The following GLB1L3 variants were observed in gnomAD, a reference collection of about 807,000 sequenced individuals.
GLB1L3 encodes beta-galactosidase-1-like protein 3.
Under a neutral mutation model 89.5 loss-of-function variants are expected in GLB1L3, and 89 were observed. The observed-to-expected ratio is 0.99, with a 90% CI of 0.84 to 1.19. GLB1L3 has a LOEUF of 1.19. Among genes scored for constraint, GLB1L3 ranks in the 50% most tolerant of loss-of-function variants. GLB1L3 has a pLI of 0.00. For missense variants in GLB1L3, 812 were observed against 813.3 expected (o/e 1.00, Z 0.02); for synonymous variants, 314 against 312.3 (o/e 1.01, Z -0.06).
intron 17 of GLB1L3, 146 bp from the exon 18 acceptor site, chr11:134,314,184 T>A (rs952290881): frequency 1.4e-6 from 1 of 733,648 alleles, no homozygotes; most frequent in African/African-American, 1.8e-5. Flanking sequence ...CTGGAACAAG[T>A]GTCCTGATTC....
chr11:134,276,575 G>GGCGCCC lies in GLB1L3; in HGVS notation c.-160_-155dup. ...ACGCGCATCCTTGGGACCCGGACCC[G>GGCGCCC]GCGCCCGCGCCTCGGGACGGATTTC... On this transcript the variant is annotated 5_prime_UTR_variant, in exon 1 of 20. Coordinates refer to ENST00000431683, the MANE Select transcript of GLB1L3 (RefSeq NM_001080407.3). The GGCGCCC allele has an allele frequency of 1.8e-6, 1 of 564,492 alleles. No individual in the cohort carries two copies. Among genetic ancestry groups the GGCGCCC allele is most frequent in the Non-Finnish European group, 2.6e-6 (1 of 380,560 alleles). 35.0% of individuals were successfully genotyped at this position (564,492 alleles called of 1,614,324 possible).
intron 1 of GLB1L3, chr11:134,277,024 T>A (rs994721045): frequency 2.9e-4 from 164 of 570,380 alleles, no homozygotes; most frequent in Non-Finnish European, 4.4e-4. Context: ...ACCGTGTCCT[T>A]CCCGAACCTG....
chr11:134,277,872 C>T lies in GLB1L3; in HGVS notation c.322C>T (p.Leu108=), dbSNP rs1565385844. The change falls in exon 3 of 20, where the codon CTG becomes TTG. Residue 108 remains leucine (L), a synonymous_variant. Transcript: ENST00000431683. ...GCCCAGGGAGTACTGGAGGGACCGC[C>T]TGCTGAAGCTGAAGGCCTGTGGCTT... ...RVPREYWRDR[L]LKLKACGFNT... The T allele has an allele frequency of 6.2e-7, 1 of 1,614,032 alleles. No homozygotes were observed. Among genetic ancestry groups the T allele is most frequent in the South Asian group, 1.1e-5 (1 of 91,064 alleles).
At chr11:134,278,001 C>T (rs1268716641) in intron 3 of GLB1L3, 89 bp downstream of exon 3, 3 of 1,263,226 alleles carry the variant, frequency 2.4e-6, no homozygotes, top group Non-Finnish European at 3.4e-6. Context: ...GGGGGCCCAG[C>T]GTGAGGACTT....
chr11:134,307,274 A>G lies in GLB1L3; in HGVS notation c.961+66A>G, dbSNP rs994471213. On this transcript the variant is annotated intron_variant, in intron 10 of 19. Coordinates refer to ENST00000431683, the MANE Select transcript of GLB1L3 (RefSeq NM_001080407.3). ...CCAGGTCCCATGAGAACTCATTCAT[A>G]CAGTTCTCTGCTAATTGATTCACTT... 37 of 1,127,134 alleles carry G rather than the reference A, an allele frequency of 3.3e-5. 1 individual carries two copies. The South Asian group carries it at 4.0e-4, about 12-fold the overall frequency. 69.8% of individuals were successfully genotyped at this position (1,127,134 alleles called of 1,614,324 possible).
intron 7 of GLB1L3, among the ~76,000 whole-genome samples, chr11:134,290,683 C>A (rs2136141234): frequency 6.6e-6 from 1 of 152,104 alleles, no homozygotes; most frequent in East Asian, 1.9e-4. Context: ...ACAGCCAGGC[C>A]CTGGCTATCT....
At chr11:134,279,368 T>C (rs1213700078) in intron 3 of GLB1L3, among the ~76,000 whole-genome samples, 24 of 135,928 alleles carry the variant, frequency 1.8e-4, no homozygotes, top group East Asian at 6.0e-4. Context: ...CTTTTTCTTT[T>C]TTTTTTTTTT....
At chr11:134,289,483 A>G (rs1941218429) in intron 7 of GLB1L3, among the ~76,000 whole-genome samples, 1 of 152,168 alleles carries the variant, frequency 6.6e-6, no homozygotes, top group Non-Finnish European at 1.5e-5. Flanking sequence ...TCAAGGTTCA[A>G]CTGTAGATCA....
At chr11:134,304,134 C>G (rs987939370) in intron 9 of GLB1L3, among the ~76,000 whole-genome samples, 5 of 152,252 alleles carry the variant, frequency 3.3e-5, no homozygotes, top group African/African-American at 1.2e-4. Context: ...TGTGTTGTCT[C>G]ACTCCTCTCA....
chr11:134,295,991 G>C (rs986892178), intron 9 of GLB1L3, among the ~76,000 whole-genome samples: 1 of 151,980 alleles, frequency 6.6e-6, no homozygotes, highest in African/African-American at 2.4e-5. Context: ...TATAATTTCT[G>C]TTCTTTTACA....
chr11:134,283,279 G>A (rs373043868), intron 5 of GLB1L3, among the ~76,000 whole-genome samples: 2 of 152,124 alleles, frequency 1.3e-5, no homozygotes, highest in African/African-American at 4.8e-5. Flanking sequence ...GGCCAGGCTG[G>A]TCTCGAACTC....
At chr11:134,300,658 G>T (rs529461541) in intron 9 of GLB1L3, among the ~76,000 whole-genome samples, 16 of 152,106 alleles carry the variant, frequency 1.1e-4, no homozygotes, top group Middle Eastern at 3.4e-3. Context: ...TTTAATCAAG[G>T]CGCCTACAGG....
rs371941998 is a variant in GLB1L3 at position 134,296,836 on chromosome 11, T to TATA, written c.876+3653_876+3655dup. ...TGCACATGTACCCTAAAACTTAAAG[T>TATA]ATAATAATAATAATAATAATAATAA... On this transcript the variant is annotated intron_variant, in intron 9 of 19. Transcript: ENST00000431683. Among the ~76,000 whole-genome samples, 1,016 of 142,376 alleles carry TATA rather than the reference T, an allele frequency of 7.1e-3. 8 individuals carry two copies. Among genetic ancestry groups the TATA allele is most frequent in the Middle Eastern group, 0.014 (4 of 276 alleles). The allele number at this position is 142,376 out of a possible 152,430, so 93.4% of individuals were successfully genotyped here.
chr11:134,318,669 C>T lies in GLB1L3; in HGVS notation c.1818C>T (p.Asn606=), dbSNP rs1202071790. 1.2e-6 allele frequency: 2 copies of T among 1,612,574 alleles called. No individual in the cohort carries two copies. Among genetic ancestry groups the T allele is most frequent in the Non-Finnish European group, 1.7e-6 (2 of 1,179,054 alleles). Residue 606 remains asparagine (N), a synonymous_variant, in exon 19 of 20, where the codon AAC becomes AAT. Transcript: ENST00000431683. ...GATTTGTGTTCATCAATGGACGTAA[C>T]CTTGGGCGATATTGGAATATTGGGC... ...NYGFVFINGR[N]LGRYWNIGPQ...
At chr11:134,277,297 C>T (rs775667472) in intron 1 of GLB1L3, 29 bp from the exon 2 acceptor site, 5 of 1,613,524 alleles carry the variant, frequency 3.1e-6, no homozygotes, top group African/African-American at 1.3e-5. Context: ...GAACCTTCCC[C>T]TTGTCACTGT....
chr11:134,281,284 A>G (rs1940669977), intron 3 of GLB1L3, 93 bp from the exon 4 acceptor site: 1 of 1,368,960 alleles, frequency 7.3e-7, no homozygotes, highest in Non-Finnish European at 1.0e-6. Flanking sequence ...AAATAGAGCT[A>G]TGCATGGTTT....
At chr11:134,293,424 G>A (rs1043748248) in intron 9 of GLB1L3, among the ~76,000 whole-genome samples, 19 of 152,108 alleles carry the variant, frequency 1.2e-4, no homozygotes, top group African/African-American at 4.6e-4. Context: ...ATCACGTCAT[G>A]GAGATGAGTG....
downstream of GLB1L3, among the ~76,000 whole-genome samples, chr11:134,320,908 G>T (rs569230164): frequency 1.3e-5 from 2 of 152,160 alleles, no homozygotes; most frequent in South Asian, 4.2e-4. Context: ...ATATCATCTG[G>T]ATGCATATTA....
At position 134,276,482 on chromosome 11, in the gene GLB1L3, G is replaced by A. The variant is rs1940375067; in HGVS notation, c.-259G>A. On this transcript the variant is annotated 5_prime_UTR_variant, in exon 1 of 20. Transcript: ENST00000431683. ...CCTCCGAGGGCAGAGAGGCGTCCGC[G>A]CCCGGACGCACTGCGGGAACACCTG... The A allele has an allele frequency of 2.7e-6, 1 of 365,680 alleles. No individual in the cohort carries two copies. Among genetic ancestry groups the A allele is most frequent in the Non-Finnish European group, 4.9e-6 (1 of 205,464 alleles). 22.7% of individuals were successfully genotyped at this position (365,680 alleles called of 1,614,324 possible).
Sources: gnomAD v4.1 joint callset for allele counts (sites outside exome capture counted in the v4.1 genomes callset) on GRCh38, gnomAD v4.1.1 for gene constraint, MANE v1.5 for transcripts, NCBI Gene and HGNC (gene_info 2026-07-23, HGNC 2026-07-21) for gene names.